METTL15: variants seen among roughly 807,000 people sequenced by gnomAD.
METTL15 encodes the protein methyltransferase 15, mitochondrial 12S rRNA N4-cytidine.
METTL15 carries 34 observed loss-of-function variants against 38.3 expected under a neutral mutation model. The observed-to-expected ratio is 0.89, with a 90% CI of 0.68 to 1.18. The LOEUF is 1.18. Among genes scored for constraint, METTL15 ranks in the 50% most tolerant of loss-of-function variants. METTL15 has a pLI of 0.00. For missense variants in METTL15, 438 were observed against 498.4 expected, an observed-to-expected ratio of 0.88 and a Z score of 1.15; for synonymous variants, 162 against 170.9, an observed-to-expected ratio of 0.95 and a Z score of 0.41.
intron 3 of METTL15, among the ~76,000 whole-genome samples, chr11:28,140,836 C>T (rs1054290878): frequency 1.3e-5 from 2 of 152,150 alleles, no homozygotes; most frequent in African/African-American, 2.4e-5. Context: ...ACCCCATTTC[C>T]CCTGTGGGCG....
At chr11:28,214,759 G>T (rs1224256260) in intron 4 of METTL15, among the ~76,000 whole-genome samples, 5 of 152,070 alleles carry the variant, frequency 3.3e-5, no homozygotes, top group Admixed American at 6.5e-5. Flanking sequence ...CTAAAGCAAG[G>T]TTAGAATATT....
chr11:28,474,379 G>A (rs536489791), intron 6 of METTL15, among the ~76,000 whole-genome samples: 2 of 151,762 alleles, frequency 1.3e-5, no homozygotes, highest in African/African-American at 4.8e-5. Context: ...TGTAAAATAG[G>A]TCACTAACAC....
At chr11:28,113,785 A>T (rs191830417) in intron 3 of METTL15, among the ~76,000 whole-genome samples, 181 bp downstream of exon 3, 1 of 152,186 alleles carries the variant, frequency 6.6e-6, no homozygotes. Context: ...GTGCCATACA[A>T]CCATGCTTTT....
chr11:28,303,098 G>T (rs1856966272), intron 6 of METTL15, among the ~76,000 whole-genome samples: 1 of 152,116 alleles, frequency 6.6e-6, no homozygotes, highest in African/African-American at 2.4e-5. Context: ...CAAGAGGCTG[G>T]CTGCCCATAT....
chr11:28,161,056 A>G (rs968706528), intron 3 of METTL15, among the ~76,000 whole-genome samples: 2 of 151,928 alleles, frequency 1.3e-5, no homozygotes, highest in African/African-American at 2.4e-5. Flanking sequence ...ATTAAGTATT[A>G]CAGTATACAA....
At chr11:28,398,004 C>T (rs1372757412) in intron 5 of METTL15, among the ~76,000 whole-genome samples, 1 of 151,928 alleles carries the variant, frequency 6.6e-6, no homozygotes, top group African/African-American at 2.4e-5. Flanking sequence ...AACCAAAACA[C>T]CGCATGTTCT....
chr11:28,193,962 T>C (rs1000870157), intron 3 of METTL15, among the ~76,000 whole-genome samples: 2 of 152,010 alleles, frequency 1.3e-5, no homozygotes, highest in South Asian at 4.1e-4. Context: ...TTGAATCTTT[T>C]TTTCTTAGGG....
At chr11:28,490,612 G>A (rs1232694460) in intron 6 of METTL15, among the ~76,000 whole-genome samples, 2 of 151,966 alleles carry the variant, frequency 1.3e-5, no homozygotes, top group Admixed American at 1.3e-4. Context: ...AAGCTCCCCA[G>A]GTGATTCTTA....
At chr11:28,317,276 A>G (rs1857513486) in intron 6 of METTL15, among the ~76,000 whole-genome samples, 2 of 152,320 alleles carry the variant, frequency 1.3e-5, no homozygotes, top group South Asian at 4.1e-4. Flanking sequence ...AATTTTCTCC[A>G]GAACCATTCA....
chr11:28,451,009 G>C (rs1244364533), intron 6 of METTL15, among the ~76,000 whole-genome samples: 1 of 152,156 alleles, frequency 6.6e-6, no homozygotes, highest in Admixed American at 6.5e-5. Flanking sequence ...TGATGGGCTT[G>C]GGATTCCAGG....
At position 28,113,478 on chromosome 11, in the gene METTL15, A is replaced by G; in HGVS notation, c.144A>G (p.Gln48=). 6.2e-7 allele frequency: 1 copy of G among 1,612,700 alleles called. No homozygotes were observed. The highest frequency in any genetic ancestry group is 8.5e-7 in the Non-Finnish European group (1 of 1,179,852). The change falls in exon 3 of 7, where the codon CAA becomes CAG. Residue 48 remains glutamine (Q), a synonymous_variant. Coordinates refer to ENST00000407364, the MANE Select transcript of METTL15 (RefSeq NM_001113528.2). The part of the protein sequence containing the change: ...EKYREYEARE[Q]TDQTQAQELH... The stretch of plus-strand genomic sequence containing the variant: ...ATAGAGAATATGAAGCCCGGGAGCA[A>G]ACAGATCAAACTCAAGCCCAGGAGT...
At chr11:28,277,485 G>A (rs1209322794) in intron 4 of METTL15, among the ~76,000 whole-genome samples, 1 of 152,088 alleles carries the variant, frequency 6.6e-6, no homozygotes, top group East Asian at 1.9e-4. Flanking sequence ...ATTACCTGAG[G>A]TCAGGATTTC....
intron 5 of METTL15, among the ~76,000 whole-genome samples, chr11:28,379,473 C>G (rs1590352586): frequency 6.6e-6 from 1 of 152,058 alleles, no homozygotes; most frequent in African/African-American, 2.4e-5. Context: ...ACCCATTGAT[C>G]AGTCAGGAGC....
intron 4 of METTL15, among the ~76,000 whole-genome samples, chr11:28,236,982 G>C (rs1424493276): frequency 1.3e-5 from 2 of 152,114 alleles, no homozygotes; most frequent in Admixed American, 6.5e-5. Flanking sequence ...CTGTTAGTCT[G>C]ATGGGTTTCC....
chr11:28,429,814 G>A (rs1381234372), intron 6 of METTL15, among the ~76,000 whole-genome samples: 52 of 50,012 alleles, frequency 1.0e-3, no homozygotes, highest in African/African-American at 2.1e-3. Flanking sequence ...CTGCCTGGCC[G>A]CCCATCGTCT....
intron 6 of METTL15, among the ~76,000 whole-genome samples, chr11:28,453,337 A>G (rs1851139254): frequency 1.3e-5 from 2 of 152,208 alleles, no homozygotes; most frequent in Non-Finnish European, 2.9e-5. Flanking sequence ...AGAGCCAAAT[A>G]CATTTGCTCC....
chr11:28,127,392 C>A (rs1002759861), intron 3 of METTL15, among the ~76,000 whole-genome samples: 2 of 151,808 alleles, frequency 1.3e-5, no homozygotes, highest in Non-Finnish European at 2.9e-5. Flanking sequence ...TCTCACAATT[C>A]TGGAGAAGGG....
chr11:28,447,032 T>C (rs1395279345), intron 6 of METTL15, among the ~76,000 whole-genome samples: 1 of 148,242 alleles, frequency 6.7e-6, no homozygotes, highest in East Asian at 1.9e-4. Context: ...TTGTGGAAAA[T>C]ATAAAAAGAG....
intron 6 of METTL15, among the ~76,000 whole-genome samples, chr11:28,305,663 G>GA (rs1364867553): frequency 6.6e-6 from 1 of 152,028 alleles, no homozygotes; most frequent in East Asian, 1.9e-4. Flanking sequence ...AGTCTTCAAG[G>GA]ATGTCCCATA....
Sources: gnomAD v4.1 joint callset for allele counts (sites outside exome capture counted in the v4.1 genomes callset) on GRCh38, gnomAD v4.1.1 for gene constraint, MANE v1.5 for transcripts, NCBI Gene and HGNC (gene_info 2026-07-23, HGNC 2026-07-21) for gene names.